The following CDH9 variants were observed in gnomAD, a reference collection of about 807,000 sequenced individuals.
CDH9 encodes the protein cadherin-9.
CDH9 carries 28 observed loss-of-function variants against 70.9 expected under a neutral mutation model. That is an observed-to-expected ratio of 0.40 (90% CI 0.29 to 0.54). CDH9 has a LOEUF of 0.54. CDH9 is among the 20% of genes least tolerant of loss of function. The pLI is 0.59. For synonymous variants in CDH9, 409 were observed against 343.1 expected, an observed-to-expected ratio of 1.19 and a Z score of -2.12; for missense variants, 874 against 984.4, an observed-to-expected ratio of 0.89 and a Z score of 1.50.
intron 3 of CDH9, among the ~76,000 whole-genome samples, chr5:26,914,793 A>T (rs183218969): frequency 6.6e-6 from 1 of 152,210 alleles, no homozygotes; most frequent in Admixed American, 6.5e-5. Context: ...TTGAAATAGT[A>T]TTCAACTAAA....
chr5:26,891,529 T>C (rs1561184732), intron 7 of CDH9, among the ~76,000 whole-genome samples: 1 of 151,930 alleles, frequency 6.6e-6, no homozygotes, highest in Non-Finnish European at 1.5e-5. Context: ...AATACAAAAA[T>C]TAGCCAGGCA....
intron 2 of CDH9, among the ~76,000 whole-genome samples, chr5:26,983,012 C>A (rs2112086215): frequency 6.6e-6 from 1 of 152,148 alleles, no homozygotes; most frequent in Middle Eastern, 3.4e-3. Flanking sequence ...GAGATGATCT[C>A]ATAGTTTTGA....
At chr5:26,894,729 A>G (rs1053996075) in intron 7 of CDH9, among the ~76,000 whole-genome samples, 2 of 152,106 alleles carry the variant, frequency 1.3e-5, no homozygotes, top group African/African-American at 4.8e-5. Context: ...CTTAACACAG[A>G]ACAAAGCTAT....
At chr5:26,979,835 T>A (rs1021383301) in intron 2 of CDH9, among the ~76,000 whole-genome samples, 1 of 151,610 alleles carries the variant, frequency 6.6e-6, no homozygotes, top group East Asian at 1.9e-4. Context: ...TAATCAGAAA[T>A]ATAAAGAAAG....
chr5:27,014,857 T>C (rs1445394836), intron 1 of CDH9, among the ~76,000 whole-genome samples: 1 of 151,816 alleles, frequency 6.6e-6, no homozygotes, highest in East Asian at 1.9e-4. Context: ...TTTCAATAAA[T>C]AAGAATCTGT....
At chr5:26,957,488 C>T (rs967361591) in intron 2 of CDH9, among the ~76,000 whole-genome samples, 2 of 151,882 alleles carry the variant, frequency 1.3e-5, no homozygotes, top group Non-Finnish European at 2.9e-5. Context: ...ATGGTGAAAC[C>T]CTGTCTCTAC....
At chr5:27,028,901 C>T (rs1743265066) in intron 1 of CDH9, among the ~76,000 whole-genome samples, 1 of 151,862 alleles carries the variant, frequency 6.6e-6, no homozygotes, top group Non-Finnish European at 1.5e-5. Context: ...CCTTACTTGA[C>T]AAAATTATAT....
In CDH9 at chr5:26,902,474, A is replaced by G; in HGVS notation, c.1253+2T>C. The G allele has an allele frequency of 6.3e-7, 1 of 1,587,136 alleles. No homozygotes were observed. The highest frequency in any genetic ancestry group is 8.6e-7 in the Non-Finnish European group (1 of 1,158,480). ...CATAATAAATGTTTTCAAAGTACTT[A>G]CTTTATTAAATTGTTCCTGGCATCT... is the stretch of plus-strand genomic sequence containing the variant. On this transcript the variant is annotated splice_donor_variant, in intron 7 of 11. Coordinates refer to ENST00000231021, the MANE Select transcript of CDH9 (RefSeq NM_016279.4). LOFTEE classifies it high-confidence loss of function.
intron 3 of CDH9, 102 bp from the exon 4 acceptor site, chr5:26,906,940 ATGT>A (rs1740959469): frequency 7.5e-7 from 1 of 1,336,918 alleles, no homozygotes; most frequent in Admixed American, 2.9e-5. Context: ...GTATTAGACG[ATGT>A]TGTATGTTTG....
At chr5:26,903,089 A>G (rs1430443381) in intron 6 of CDH9, 1 of 195,706 alleles carries the variant, frequency 5.1e-6, no homozygotes, top group Non-Finnish European at 1.0e-5. Flanking sequence ...AGAAGTATAG[A>G]ATAAAAATTA....
intron 2 of CDH9, among the ~76,000 whole-genome samples, chr5:26,984,091 A>G (rs953705416): frequency 6.6e-6 from 1 of 152,138 alleles, no homozygotes; most frequent in Non-Finnish European, 1.5e-5. Flanking sequence ...ATGAAGGCAG[A>G]GCTCAATCAA....
chr5:26,910,478 G>T (rs1741032696), intron 3 of CDH9, among the ~76,000 whole-genome samples: 1 of 152,120 alleles, frequency 6.6e-6, no homozygotes, highest in Non-Finnish European at 1.5e-5. Flanking sequence ...TGTATAACAT[G>T]TAAAAGCTTT....
At chr5:26,942,764 T>C (rs763994088) in intron 2 of CDH9, among the ~76,000 whole-genome samples, 8 of 152,192 alleles carry the variant, frequency 5.3e-5, no homozygotes, top group Non-Finnish European at 1.0e-4. Flanking sequence ...TTACATAGAC[T>C]AACTTGGCTA....
At chr5:26,926,794 A>G (rs1240115756) in intron 2 of CDH9, among the ~76,000 whole-genome samples, 1 of 152,042 alleles carries the variant, frequency 6.6e-6, no homozygotes, top group South Asian at 2.1e-4. Flanking sequence ...ACCGCCACAC[A>G]TCTACAACCA....
intron 1 of CDH9, among the ~76,000 whole-genome samples, chr5:26,995,956 T>C (rs1742658494): frequency 6.6e-6 from 1 of 152,182 alleles, no homozygotes; most frequent in East Asian, 1.9e-4. Flanking sequence ...CTCTTAATTA[T>C]ATTCCAATTA....
chr5:26,912,808 T>C (rs1741076388), intron 3 of CDH9, among the ~76,000 whole-genome samples: 3 of 152,134 alleles, frequency 2.0e-5, no homozygotes, highest in African/African-American at 7.2e-5. Context: ...TTATCTTGAA[T>C]TGTGACTCCC....
chr5:27,016,069 T>C (rs1345928360), intron 1 of CDH9, among the ~76,000 whole-genome samples: 2 of 151,786 alleles, frequency 1.3e-5, no homozygotes, highest in Admixed American at 6.6e-5. Context: ...TCCCACATAA[T>C]TTAATATGAA....
intron 2 of CDH9, among the ~76,000 whole-genome samples, chr5:26,963,720 C>T (rs1384608005): frequency 4.6e-5 from 7 of 151,866 alleles, no homozygotes; most frequent in African/African-American, 1.5e-4. Flanking sequence ...GGTGATTATG[C>T]CTTTGGCCTT....
intron 11 of CDH9, among the ~76,000 whole-genome samples, chr5:26,882,087 ATTATAT>A (rs1308385974): frequency 6.6e-6 from 1 of 152,098 alleles, no homozygotes; most frequent in Non-Finnish European, 1.5e-5. Context: ...TTGTATATGC[ATTATAT>A]TTATATATTA....
Sources: gnomAD v4.1 joint callset for allele counts (sites outside exome capture counted in the v4.1 genomes callset) on GRCh38, gnomAD v4.1.1 for gene constraint, MANE v1.5 for transcripts, NCBI Gene and HGNC (gene_info 2026-07-23, HGNC 2026-07-21) for gene names.